Variants in PRR16 observed in about 807,000 individuals in gnomAD.
The protein encoded by PRR16 is proline rich 16, also known as protein Largen.
In PRR16, 6 loss-of-function variants were observed where a neutral mutation model predicts 18.2. The ratio of observed to expected loss-of-function variants is 0.33; its 90% CI spans 0.18 to 0.65. PRR16 has a LOEUF of 0.65. Ranked by LOEUF, PRR16 falls within the 30% of genes least tolerant of loss-of-function variation. The pLI, the probability that PRR16 is intolerant of heterozygous loss-of-function variation, is 0.74. For missense variants in PRR16, 412 were observed against 376.6 expected (o/e 1.09, Z -0.78); for synonymous variants, 151 against 147.8 (o/e 1.02, Z -0.16).
intron 1 of PRR16, among the ~76,000 whole-genome samples, chr5:120,568,993 T>G: frequency 6.6e-6 from 1 of 152,074 alleles, no homozygotes; most frequent in Middle Eastern, 3.2e-3. Flanking sequence ...TTCTAAATCT[T>G]TTATTTCTCT....
chr5:120,466,500 C>CT (rs1221683667), intron 1 of PRR16, among the ~76,000 whole-genome samples: 4 of 152,108 alleles, frequency 2.6e-5, no homozygotes, highest in Non-Finnish European at 4.4e-5. Context: ...AGTCCACTCA[C>CT]TTTTTTTGCA....
At chr5:120,529,708 G>A (rs967356921) in intron 1 of PRR16, among the ~76,000 whole-genome samples, 1 of 152,124 alleles carries the variant, frequency 6.6e-6, no homozygotes, top group East Asian at 1.9e-4. Flanking sequence ...ATGTGGCAAG[G>A]AAGGTAAGGA....
At chr5:120,792,530 A>T in the PRR16 span, among the ~76,000 whole-genome samples, 1 of 152,148 alleles carries the variant, frequency 6.6e-6, no homozygotes, top group Admixed American at 6.6e-5. Context: ...ACTACTTAAC[A>T]GGTTTCATTT....
At chr5:120,756,955 C>T in the PRR16 span, among the ~76,000 whole-genome samples, 6 of 151,946 alleles carry the variant, frequency 3.9e-5, no homozygotes, top group African/African-American at 1.2e-4. Flanking sequence ...ATTATTTAAT[C>T]CTTCTTTAGT....
the PRR16 span, among the ~76,000 whole-genome samples, chr5:120,772,714 A>C: frequency 6.6e-6 from 1 of 152,090 alleles, no homozygotes; most frequent in Non-Finnish European, 1.5e-5. Flanking sequence ...ATGGTTTTCT[A>C]CAAATTCCAG....
At chr5:120,584,234 T>C (rs1031631394) in intron 1 of PRR16, among the ~76,000 whole-genome samples, 2 of 152,208 alleles carry the variant, frequency 1.3e-5, no homozygotes, top group East Asian at 3.9e-4. Context: ...AAGTTTATTA[T>C]TGAAAAGACT....
chr5:120,754,165 A>AAATATGAT, the PRR16 span, among the ~76,000 whole-genome samples: 1 of 112,278 alleles, frequency 8.9e-6, no homozygotes, highest in East Asian at 2.2e-4. Flanking sequence ...TATGATATAT[A>AAATATGAT]AATATAAATA....
At chr5:120,783,143 G>A in the PRR16 span, among the ~76,000 whole-genome samples, 1 of 152,094 alleles carries the variant, frequency 6.6e-6, no homozygotes, top group Non-Finnish European at 1.5e-5. Flanking sequence ...TAATTCATAA[G>A]AAAGAATTAT....
chr5:120,552,413 C>T (rs1328746899), intron 1 of PRR16, among the ~76,000 whole-genome samples: 2 of 151,702 alleles, frequency 1.3e-5, no homozygotes, highest in Admixed American at 6.6e-5. Flanking sequence ...TTATTTTGGA[C>T]AAAGTCAGAT....
chr5:120,672,571 A>G (rs1366002877), intron 1 of PRR16, among the ~76,000 whole-genome samples: 1 of 143,964 alleles, frequency 6.9e-6, no homozygotes, highest in Non-Finnish European at 1.5e-5. Context: ...TGTGTGTAAT[A>G]GATACATATT....
the PRR16 span, among the ~76,000 whole-genome samples, chr5:120,765,237 C>T: frequency 2.2e-4 from 33 of 151,976 alleles, no homozygotes; most frequent in African/African-American, 5.6e-4. Flanking sequence ...CCTTACATAT[C>T]GCATGTGCCT....
At chr5:120,524,383 C>T (rs141942215) in intron 1 of PRR16, among the ~76,000 whole-genome samples, 9 of 152,206 alleles carry the variant, frequency 5.9e-5, no homozygotes, top group African/African-American at 1.9e-4. Context: ...ATCTAATGTA[C>T]AAGCTACAAA....
chr5:120,669,651 A>G (rs1177802131), intron 1 of PRR16, among the ~76,000 whole-genome samples: 1 of 152,128 alleles, frequency 6.6e-6, no homozygotes, highest in Admixed American at 6.6e-5. Flanking sequence ...TAAATTACCC[A>G]GCATATTTTA....
chr5:120,563,288 CA>C (rs1752632598), intron 1 of PRR16, among the ~76,000 whole-genome samples: 1 of 152,204 alleles, frequency 6.6e-6, no homozygotes, highest in Admixed American at 6.5e-5. Flanking sequence ...CTACAATCAG[CA>C]AGTGGCAATG....
chr5:120,623,523 A>G lies in PRR16; in HGVS notation c.160-62431A>G, dbSNP rs148500251. ...TTTCTTCTTGTGCAAAATGAGGATTAATTGGTAAATACCTACCTTATGCCG... is the reference window on the plus strand; with the variant it reads ...TTTCTTCTTGTGCAAAATGAGGATTGATTGGTAAATACCTACCTTATGCCG... On this transcript the variant is annotated intron_variant, in intron 1 of 1. Transcript: ENST00000407149. Among the ~76,000 whole-genome samples, 53 of 152,314 alleles carry G rather than the reference A, an allele frequency of 3.5e-4. No individual in the cohort carries two copies. The East Asian group carries it at 9.4e-3, about 27-fold the overall frequency.
At chr5:120,632,437 G>T (rs576715883) in intron 1 of PRR16, among the ~76,000 whole-genome samples, 2 of 152,018 alleles carry the variant, frequency 1.3e-5, no homozygotes, top group Non-Finnish European at 2.9e-5. Context: ...AATCCAGGAG[G>T]CACCAGAGAA....
the PRR16 span, among the ~76,000 whole-genome samples, chr5:120,704,473 G>A: frequency 1.3e-5 from 2 of 152,114 alleles, no homozygotes; most frequent in African/African-American, 4.8e-5. Flanking sequence ...ATGGAGAGAT[G>A]AGCAAATCTA....
At chr5:120,616,508 C>T (rs1580791617) in intron 1 of PRR16, among the ~76,000 whole-genome samples, 1 of 152,248 alleles carries the variant, frequency 6.6e-6, no homozygotes, top group South Asian at 2.1e-4. Flanking sequence ...TGGCTCAGCC[C>T]ATTCACATTT....
downstream of PRR16, among the ~76,000 whole-genome samples, chr5:120,689,639 A>G (rs1282523957): frequency 6.6e-6 from 1 of 152,214 alleles, no homozygotes; most frequent in Non-Finnish European, 1.5e-5. Flanking sequence ...CACAAAATGT[A>G]AAATGGTAAT....
Sources: allele counts gnomAD v4.1 joint callset (sites outside exome capture counted in the v4.1 genomes callset), GRCh38; gene constraint gnomAD v4.1.1; transcripts MANE v1.5; gene names NCBI Gene and HGNC (gene_info 2026-07-23, HGNC 2026-07-21).